TSC22D1: variants seen among roughly 807,000 people sequenced by gnomAD.
TSC22D1 encodes the protein TSC22 domain family protein 1.
Under a neutral mutation model 74.2 loss-of-function variants are expected in TSC22D1, and 9 were observed. The observed-to-expected ratio is 0.12, with a 90% CI of 0.07 to 0.21. The LOEUF is 0.21. Ranked by LOEUF, TSC22D1 falls within the 10% of genes least tolerant of loss-of-function variation. TSC22D1 has a pLI of 1.00. For missense variants in TSC22D1, 1,427 were observed against 1,304.7 expected, an observed-to-expected ratio of 1.09 and a Z score of -1.44; for synonymous variants, 586 against 492.5, an observed-to-expected ratio of 1.19 and a Z score of -2.51.
rs111497675 is a variant in TSC22D1 at position 44,547,937 on chromosome 13, T to C, written c.2912+25226A>G. ...CCCAAGTAGCTGGAACTACAGGAAC[T>C]TGCCACTGTGTGCATTATTATTATG... On this transcript the variant is annotated intron_variant, in intron 1 of 2. Coordinates refer to ENST00000458659, the MANE Select transcript of TSC22D1 (RefSeq NM_183422.4). Among the ~76,000 whole-genome samples, 215 of 152,276 alleles carry C rather than the reference T, an allele frequency of 1.4e-3. 1 individual carries two copies. The highest frequency in any genetic ancestry group is 4.8e-3 in the African/African-American group (200 of 41,552).
At chr13:44,567,967 A>C (rs1566180354) in intron 1 of TSC22D1, among the ~76,000 whole-genome samples, 1 of 152,188 alleles carries the variant, frequency 6.6e-6, no homozygotes, top group Non-Finnish European at 1.5e-5. Context: ...GAGGAAGAAA[A>C]GGAAGAAGGA....
At chr13:44,451,720 C>T (rs1039733338) in intron 1 of TSC22D1, among the ~76,000 whole-genome samples, 5 of 152,202 alleles carry the variant, frequency 3.3e-5, no homozygotes, top group African/African-American at 7.2e-5. Flanking sequence ...CAGAAGAATG[C>T]GGCATGAAGC....
chr13:44,493,185 T>C (rs1878804994), intron 1 of TSC22D1, among the ~76,000 whole-genome samples: 2 of 152,158 alleles, frequency 1.3e-5, no homozygotes, highest in South Asian at 4.1e-4. Context: ...ACATGAAATT[T>C]TGGTGGCATT....
At chr13:44,497,510 G>A (rs1028064165) in intron 1 of TSC22D1, among the ~76,000 whole-genome samples, 1 of 152,082 alleles carries the variant, frequency 6.6e-6, no homozygotes, top group Non-Finnish European at 1.5e-5. Flanking sequence ...TAGTTCAAAT[G>A]GTTAATCTTA....
intron 1 of TSC22D1, chr13:44,437,069 C>T: frequency 2.1e-6 from 2 of 970,928 alleles, no homozygotes; most frequent in Non-Finnish European, 2.4e-6. Flanking sequence ...GAGTGGGGTG[C>T]TGGGTTCGGA....
chr13:44,548,345 C>T (rs1166267505), intron 1 of TSC22D1, among the ~76,000 whole-genome samples: 3 of 152,172 alleles, frequency 2.0e-5, no homozygotes, highest in East Asian at 1.9e-4. Flanking sequence ...GGCGAAACCC[C>T]GTCTCTACTA....
chr13:44,564,682 G>A (rs1190933138), intron 1 of TSC22D1, among the ~76,000 whole-genome samples: 3 of 152,142 alleles, frequency 2.0e-5, no homozygotes, highest in Admixed American at 2.0e-4. Context: ...AGGCTTAAAA[G>A]GGGTTCTGGC....
intron 1 of TSC22D1, among the ~76,000 whole-genome samples, chr13:44,515,362 G>A (rs549197356): frequency 2.7e-5 from 4 of 149,418 alleles, no homozygotes; most frequent in African/African-American, 9.8e-5. Flanking sequence ...AGATGGCCAA[G>A]AAATATTAAG....
rs1388493568 is a variant in TSC22D1 at position 44,432,339 on chromosome 13, T to A, written c.*2287A>T. Reference sequence around the variant, plus strand: ...ATTACCACCTATGGTATTTTAAAGATCTTCATTAAAAACATAAAAAATGAA... The same window carrying A: ...ATTACCACCTATGGTATTTTAAAGAACTTCATTAAAAACATAAAAAATGAA... On this transcript the variant is annotated 3_prime_UTR_variant, in exon 3 of 3. Transcript: ENST00000458659. 3 of 152,200 alleles carry A rather than the reference T, an allele frequency of 2.0e-5. No homozygotes were observed. Among genetic ancestry groups the A allele is most frequent in the Admixed American group, 6.5e-5 (1 of 15,278 alleles). The allele number at this position is 152,200 out of a possible 1,614,324, so 9.4% of individuals were successfully genotyped here.
intron 1 of TSC22D1, among the ~76,000 whole-genome samples, chr13:44,474,463 A>G (rs191614159): frequency 3.3e-5 from 5 of 152,292 alleles, no homozygotes; most frequent in Admixed American, 3.3e-4. Flanking sequence ...GTGATTTGTT[A>G]TGTTTCAAGC....
At chr13:44,557,059 C>G (rs1335187934) in intron 1 of TSC22D1, among the ~76,000 whole-genome samples, 2 of 151,452 alleles carry the variant, frequency 1.3e-5, no homozygotes, top group Admixed American at 1.3e-4. Flanking sequence ...AGGAGAATGG[C>G]TTGAACCCGG....
intron 1 of TSC22D1, among the ~76,000 whole-genome samples, chr13:44,494,375 C>T (rs1475686792): frequency 2.6e-4 from 7 of 26,472 alleles, no homozygotes; most frequent in African/African-American, 1.1e-3. Context: ...GACTCCGTAT[C>T]AAAAAAAAAA....
At chr13:44,511,562 T>C (rs1413965142) in intron 1 of TSC22D1, among the ~76,000 whole-genome samples, 2 of 151,962 alleles carry the variant, frequency 1.3e-5, no homozygotes, top group Non-Finnish European at 2.9e-5. Context: ...AATTGTTCAA[T>C]ATGACAATCC....
At chr13:44,449,411 G>A (rs1046424434) in intron 1 of TSC22D1, among the ~76,000 whole-genome samples, 1 of 152,258 alleles carries the variant, frequency 6.6e-6, no homozygotes, top group Admixed American at 6.5e-5. Context: ...GCTGTGAGAA[G>A]ACGAGTTAGA....
chr13:44,564,826 T>G (rs988841554), intron 1 of TSC22D1, among the ~76,000 whole-genome samples: 4 of 151,924 alleles, frequency 2.6e-5, no homozygotes, highest in African/African-American at 9.7e-5. Context: ...AAATGAGAGC[T>G]GATGTTATGT....
At chr13:44,533,460 A>G (rs1035667752) in intron 1 of TSC22D1, among the ~76,000 whole-genome samples, 15 of 149,208 alleles carry the variant, frequency 1.0e-4, no homozygotes, top group Admixed American at 3.3e-4. Context: ...TCTGTATCAA[A>G]TAAAATTAAA....
chr13:44,537,028 A>T (rs957366547), intron 1 of TSC22D1: 3 of 967,962 alleles, frequency 3.1e-6, no homozygotes, highest in Non-Finnish European at 2.5e-6. Flanking sequence ...GAAAATTAAA[A>T]TACATTTAAA....
chr13:44,465,582 G>A (rs1455985965), intron 1 of TSC22D1, among the ~76,000 whole-genome samples: 2 of 152,170 alleles, frequency 1.3e-5, no homozygotes, highest in African/African-American at 4.8e-5. Context: ...ACCAGAGGGG[G>A]CACTGGCAGC....
Position 44,576,267 on chromosome 13 carries a change from G to A in TSC22D1, c.-193C>T. ...GCGAGCTTCGGAAAGGAGGATGAACGAGGGTGAACAGGGCGGCCGGGGACC... is the reference window on the plus strand; with the variant it reads ...GCGAGCTTCGGAAAGGAGGATGAACAAGGGTGAACAGGGCGGCCGGGGACC... On this transcript the variant is annotated 5_prime_UTR_variant, in exon 1 of 3. Transcript: ENST00000458659. 4.9e-6 allele frequency: 4 copies of A among 808,820 alleles called. 1 individual carries two copies. Among genetic ancestry groups the A allele is most frequent in the Middle Eastern group, 7.6e-4 (2 of 2,634 alleles). The allele number at this position is 808,820 out of a possible 1,614,324, so 50.1% of individuals were successfully genotyped here.
Sources: allele counts gnomAD v4.1 joint callset (sites outside exome capture counted in the v4.1 genomes callset), GRCh38; gene constraint gnomAD v4.1.1; transcripts MANE v1.5; gene names NCBI Gene and HGNC (gene_info 2026-07-23, HGNC 2026-07-21).